SUMO2: variants seen among roughly 807,000 people sequenced by gnomAD.
SUMO2 encodes the protein small ubiquitin like modifier 2.
A neutral mutation model predicts 16.0 loss-of-function variants in SUMO2; 1 was observed. That is an observed-to-expected ratio of 0.06 (90% CI 0.02 to 0.30). SUMO2 has a LOEUF of 0.30. Ranked by LOEUF, SUMO2 falls within the 10% of genes least tolerant of loss-of-function variation. SUMO2 has a pLI of 1.00. For missense variants in SUMO2, 16 were observed against 117.5 expected (o/e 0.14, Z 3.99); for synonymous variants, 36 against 40.6 (o/e 0.89, Z 0.43).
intron 1 of SUMO2, chr17:75,182,539 G>A: frequency 3.7e-6 from 1 of 267,484 alleles, no homozygotes; most frequent in South Asian, 1.7e-4. Context: ...GGGCTGGTGG[G>A]TCCGCGGGCG....
intron 2 of SUMO2, among the ~76,000 whole-genome samples, chr17:75,177,988 CAAAAAAAA>C (rs59613076): frequency 9.0e-5 from 6 of 66,400 alleles, no homozygotes; most frequent in Non-Finnish European, 7.6e-5. Context: ...GACTCCGTCT[CAAAAAAAA>C]AAAAAAAAAA....
intron 3 of SUMO2, among the ~76,000 whole-genome samples, chr17:75,171,471 G>A (rs1315120663): frequency 1.3e-5 from 2 of 151,620 alleles, no homozygotes; most frequent in South Asian, 4.2e-4. Flanking sequence ...CTGAGATCAC[G>A]CCACTGCACT....
chr17:75,173,534 G>A (rs1290641155), intron 3 of SUMO2, among the ~76,000 whole-genome samples: 1 of 151,670 alleles, frequency 6.6e-6, no homozygotes, highest in East Asian at 1.9e-4. Context: ...GTGTGCAGTG[G>A]TACCATCTTG....
intron 2 of SUMO2, among the ~76,000 whole-genome samples, chr17:75,177,922 G>C (rs193067441): frequency 4.4e-4 from 65 of 147,918 alleles, no homozygotes; most frequent in African/African-American, 1.4e-3. Context: ...CCGGGAGGTG[G>C]AGGTTGCAGT....
At chr17:75,169,486 C>T (rs1033219897) in intron 3 of SUMO2, among the ~76,000 whole-genome samples, 61 of 151,676 alleles carry the variant, frequency 4.0e-4, no homozygotes, top group African/African-American at 1.4e-3. Context: ...TGGGTTCACG[C>T]CATTCTCCTG....
rs1432420045 is a variant in SUMO2 at position 75,165,994 on chromosome 17, C to G, written c.*2345G>C. ...TGAGCCAAGATTGCGCCACTGCACT[C>G]CAGCCTGGGCGACAGAGCAAGACTC... On this transcript the variant is annotated 3_prime_UTR_variant, in exon 4 of 4. Coordinates refer to ENST00000420826, the MANE Select transcript of SUMO2 (RefSeq NM_006937.4). 1 of 152,444 alleles carries G rather than the reference C, an allele frequency of 6.6e-6. No homozygotes were observed. Among genetic ancestry groups the G allele is most frequent in the Non-Finnish European group, 1.5e-5 (1 of 68,542 alleles). 9.4% of individuals were successfully genotyped at this position (152,444 alleles called of 1,614,324 possible).
At position 75,181,208 on chromosome 17, in the gene SUMO2, A is replaced by C; in HGVS notation, c.22-20T>G. The C allele has an allele frequency of 6.2e-7, 1 of 1,610,820 alleles. No individual in the cohort carries two copies. Among genetic ancestry groups the C allele is most frequent in the Non-Finnish European group, 8.5e-7 (1 of 1,178,794 alleles). ...TCCTTCCTGTTAAAAGAAAAATAAAAGTATAATTTGGGAAATGTGATCAAC... is the reference window on the plus strand; with the variant it reads ...TCCTTCCTGTTAAAAGAAAAATAAACGTATAATTTGGGAAATGTGATCAAC... On this transcript the variant is annotated intron_variant, in intron 1 of 3. Coordinates refer to ENST00000420826, the MANE Select transcript of SUMO2 (RefSeq NM_006937.4).
intron 3 of SUMO2, among the ~76,000 whole-genome samples, chr17:75,174,310 A>G (rs2074764952): frequency 6.6e-6 from 1 of 152,154 alleles, no homozygotes; most frequent in African/African-American, 2.4e-5. Flanking sequence ...AGAATTGCTT[A>G]AGCATGGCAG....
At position 75,166,133 on chromosome 17, in the gene SUMO2, T is replaced by C. The variant is rs1369782104; in HGVS notation, c.*2206A>G. 2 of 151,974 alleles carry C rather than the reference T, an allele frequency of 1.3e-5. No homozygotes were observed. The highest frequency in any genetic ancestry group is 2.9e-5 in the Non-Finnish European group (2 of 68,036). 9.4% of individuals were successfully genotyped at this position (151,974 alleles called of 1,614,324 possible). ...AAGACAAGGGACTGAGGCCAGAAGT[T>C]CGAGACCAAACTGGTCAACATGGTG... On this transcript the variant is annotated 3_prime_UTR_variant, in exon 4 of 4. Transcript: ENST00000420826.
intron 2 of SUMO2, among the ~76,000 whole-genome samples, chr17:75,175,463 C>T (rs911269215): frequency 2.0e-5 from 3 of 150,458 alleles, no homozygotes; most frequent in African/African-American, 7.3e-5. Flanking sequence ...TGGGACTAGG[C>T]AGGCGCCACC....
Position 75,182,856 on chromosome 17 carries a change from A to C in SUMO2, c.-22T>G. The C allele has an allele frequency of 7.1e-7, 1 of 1,398,728 alleles. No individual in the cohort carries two copies. The highest frequency in any genetic ancestry group is 9.4e-7 in the Non-Finnish European group (1 of 1,068,542). 86.6% of individuals were successfully genotyped at this position (1,398,728 alleles called of 1,614,324 possible). On this transcript the variant is annotated 5_prime_UTR_variant, in exon 1 of 4. Transcript: ENST00000420826. ...CCATGGCGAGCGCCGGAGTCTCCTC[A>C]GCTGCCGCTTCACAAAAGAGGTACC...
intron 3 of SUMO2, among the ~76,000 whole-genome samples, chr17:75,172,465 G>A (rs112481206): frequency 0.022 from 3,364 of 150,220 alleles, 78 homozygotes; most frequent in Non-Finnish European, 0.036. Context: ...GACTACAGGC[G>A]TGCACCATCA....
rs1439880546 is a variant in SUMO2, at chr17:75,166,996, G to A, written c.*1343C>T. 6.6e-6 allele frequency: 1 copy of A among 151,462 alleles called. No individual in the cohort carries two copies. The highest frequency in any genetic ancestry group is 6.6e-5 in the Admixed American group (1 of 15,076). The allele number at this position is 151,462 out of a possible 1,614,324, so 9.4% of individuals were successfully genotyped here. A position where few individuals can be genotyped will look rare whatever the true frequency, so the allele number is the denominator to read the frequency against. On this transcript the variant is annotated 3_prime_UTR_variant, in exon 4 of 4. Transcript: ENST00000420826. ...CTGTATATTTAAGGTTCTGAGGATG[G>A]ATATATATAGATATTTTCTGTCCCT...
At chr17:75,180,402 A>AC (rs1244581001) in intron 2 of SUMO2, among the ~76,000 whole-genome samples, 3 of 136,974 alleles carry the variant, frequency 2.2e-5, no homozygotes, top group East Asian at 4.2e-4. Flanking sequence ...TAAAAAAAAA[A>AC]AAAAAAAAAA....
chr17:75,168,685 G>A (rs531350734), intron 3 of SUMO2, among the ~76,000 whole-genome samples: 18 of 151,780 alleles, frequency 1.2e-4, no homozygotes, highest in African/African-American at 2.2e-4. Flanking sequence ...TCACTGCAAC[G>A]TCCACCCCTC....
chr17:75,179,815 C>T (rs950215745), intron 2 of SUMO2, among the ~76,000 whole-genome samples: 6 of 152,162 alleles, frequency 3.9e-5, no homozygotes, highest in African/African-American at 9.6e-5. Flanking sequence ...TGTAACACCA[C>T]GCCCAGCTAA....
At chr17:75,175,808 T>A (rs1398488423) in intron 2 of SUMO2, among the ~76,000 whole-genome samples, 1 of 151,144 alleles carries the variant, frequency 6.6e-6, no homozygotes, top group African/African-American at 2.4e-5. Context: ...AATTTTTGTG[T>A]TTTTAGTAGA....
chr17:75,174,006 C>A (rs2074762230), intron 3 of SUMO2, among the ~76,000 whole-genome samples: 2 of 152,258 alleles, frequency 1.3e-5, no homozygotes, highest in East Asian at 1.9e-4. Flanking sequence ...TCAAACAAAG[C>A]TATGGGACGT....
intron 3 of SUMO2, among the ~76,000 whole-genome samples, chr17:75,170,372 C>A (rs1238345675): frequency 6.6e-6 from 1 of 151,896 alleles, no homozygotes; most frequent in Non-Finnish European, 1.5e-5. Flanking sequence ...CAGGTCAAAC[C>A]CATCCTGGCC....
Sources: allele counts gnomAD v4.1 joint callset (sites outside exome capture counted in the v4.1 genomes callset), GRCh38; gene constraint gnomAD v4.1.1; transcripts MANE v1.5; gene names NCBI Gene and HGNC (gene_info 2026-07-23, HGNC 2026-07-21).